The following LTBP1 variants were observed in gnomAD, a reference collection of about 807,000 sequenced individuals.
The protein encoded by LTBP1 is latent-transforming growth factor beta-binding protein 1.
In LTBP1, 129 loss-of-function variants were observed where a neutral mutation model predicts 207.6. The ratio of observed to expected loss-of-function variants is 0.62; its 90% CI spans 0.54 to 0.72. LTBP1 has a LOEUF of 0.72. Among genes scored for constraint, LTBP1 ranks in the 30% least tolerant of loss-of-function variants. The pLI is 0.00. For missense variants in LTBP1, 2,281 were observed against 2,217.2 expected (o/e 1.03, Z -0.58); for synonymous variants, 963 against 833.7 (o/e 1.16, Z -2.67).
intron 9 of LTBP1, among the ~76,000 whole-genome samples, chr2:33,226,752 A>G (rs1161446118): frequency 1.3e-5 from 2 of 152,160 alleles, no homozygotes; most frequent in African/African-American, 4.8e-5. Context: ...GAGTGTCTTT[A>G]TGCTAATGAG....
Position 33,293,219 on chromosome 2 carries a change from G to T in LTBP1, c.3172G>T (p.Gly1058Cys). The change falls in exon 20 of 34, where the codon GGC (glycine) becomes TGC (cysteine). Residue 1058 changes from glycine (G) to cysteine (C), a missense_variant. Gly to Cys is a radical substitution (Grantham distance 159). Transcript: ENST00000404816. ...AAATGGTGATTGTTCCAACCTTGAAGGCTCCTACATGTGTTCATGCCACAA... is the reference window on the plus strand; with the variant it reads ...AAATGGTGATTGTTCCAACCTTGAATGCTCCTACATGTGTTCATGCCACAA... Reference protein sequence around the residue: ...CANGDCSNLEGSYMCSCHKGY... With the variant: ...CANGDCSNLECSYMCSCHKGY... 1.2e-6 allele frequency: 2 copies of T among 1,614,090 alleles called. No homozygotes were observed. The highest frequency in any genetic ancestry group is 1.7e-6 in the Non-Finnish European group (2 of 1,179,998).
intron 2 of LTBP1, among the ~76,000 whole-genome samples, chr2:32,960,277 T>G (rs1303305968): frequency 6.6e-6 from 1 of 152,162 alleles, no homozygotes; most frequent in East Asian, 1.9e-4. Flanking sequence ...CTTGTCACAT[T>G]GCATCACAGA....
At chr2:33,388,656 T>C (rs1195217321) in intron 31 of LTBP1, among the ~76,000 whole-genome samples, 2 of 152,230 alleles carry the variant, frequency 1.3e-5, no homozygotes, top group Non-Finnish European at 2.9e-5. Context: ...ATAGCTATAA[T>C]GCTATCCATA....
chr2:33,347,423 G>A lies in LTBP1; in HGVS notation c.3913G>A (p.Val1305Met), dbSNP rs370909427. ...GVCGEAFCEN[V>M]EGSFLCVCAD... is the part of the protein sequence containing the mutation. Reference sequence around the variant, plus strand: ...GTGTGGTGAAGCCTTCTGTGAAAACGTGGAAGGGTCCTTCCTGTGCGTGTG... The same window carrying A: ...GTGTGGTGAAGCCTTCTGTGAAAACATGGAAGGGTCCTTCCTGTGCGTGTG... The change falls in exon 26 of 34, where the codon GTG (valine) becomes ATG (methionine). Residue 1305 changes from valine to methionine, a missense_variant. Transcript: ENST00000404816. The A allele has an allele frequency of 8.1e-6, 13 of 1,614,058 alleles. No homozygotes were observed. The African/African-American group carries it at 9.3e-5, about 12-fold the overall frequency.
At chr2:33,092,197 G>A (rs219122) in intron 3 of LTBP1, among the ~76,000 whole-genome samples, 116,833 of 150,784 alleles carry the variant, frequency 0.77, 46,798 homozygotes, top group East Asian at 0.98. Flanking sequence ...ACACACACGC[G>A]CACACACACA....
intron 25 of LTBP1, among the ~76,000 whole-genome samples, 158 bp downstream of exon 25, chr2:33,343,121 G>C (rs1486167150): frequency 6.6e-6 from 1 of 152,126 alleles, no homozygotes; most frequent in East Asian, 1.9e-4. Flanking sequence ...ATCCTATGTT[G>C]GCTGGGTGCA....
Position 33,134,439 on chromosome 2 carries a change from G to T in LTBP1, c.1034-354G>T. 2 of 708,332 alleles carry T rather than the reference G, an allele frequency of 2.8e-6. No homozygotes were observed. Among genetic ancestry groups the T allele is most frequent in the Non-Finnish European group, 4.7e-6 (2 of 429,252 alleles). 43.9% of individuals were successfully genotyped at this position (708,332 alleles called of 1,614,324 possible). ...TGCATTACATCTGCCTGTCAGGGTT[G>T]GCTCTTTAATCTGTCGTGCCCTCGG... On this transcript the variant is annotated intron_variant, in intron 4 of 33. Transcript: ENST00000404816. This position sits in a 1 kb window ranked among gnomAD's most constrained non-coding sequence, Gnocchi z 4.4.
In LTBP1 at chr2:33,034,661, CATATATAACCATTTGGAAGTTG is replaced by C. The variant is rs530812255; in HGVS notation, c.863+13456_863+13477del. On this transcript the variant is annotated intron_variant, in intron 3 of 33. Coordinates refer to ENST00000404816, the MANE Select transcript of LTBP1 (RefSeq NM_206943.4). The stretch of plus-strand genomic sequence containing the variant: ...TGGATTTATTATATACAGTACACAA[CATATATAACCATTTGGAAGTTG>C]GGTTTGCTTTCTGGTTAGAGGTGCA... 4.9e-3 allele frequency among the ~76,000 whole-genome samples: 740 copies of C among 152,210 alleles called. 7 individuals carry two copies. The highest frequency in any genetic ancestry group is 0.017 in the African/African-American group (716 of 41,512).
chr2:33,014,344 T>C (rs919849655), intron 2 of LTBP1, among the ~76,000 whole-genome samples: 3 of 152,094 alleles, frequency 2.0e-5, no homozygotes, highest in African/African-American at 7.2e-5. Flanking sequence ...TTGGATTTGG[T>C]ACAAGGAGCA....
At chr2:33,249,825 A>G (rs964067724) in intron 10 of LTBP1, among the ~76,000 whole-genome samples, 3 of 152,242 alleles carry the variant, frequency 2.0e-5, no homozygotes, top group African/African-American at 7.2e-5. Context: ...GTAAGAGCCT[A>G]CAGGCACCCT....
chr2:33,234,389 T>C (rs1180124605), intron 9 of LTBP1, among the ~76,000 whole-genome samples: 1 of 151,998 alleles, frequency 6.6e-6, no homozygotes, highest in Non-Finnish European at 1.5e-5. Flanking sequence ...ACATTCAGGG[T>C]GGTATGGCTA....
intron 9 of LTBP1, among the ~76,000 whole-genome samples, chr2:33,243,144 C>G (rs1480547548): frequency 6.6e-6 from 1 of 152,196 alleles, no homozygotes; most frequent in Non-Finnish European, 1.5e-5. Context: ...CTTACCTCCT[C>G]CTCAGTGCCA....
At chr2:33,333,595 C>A (rs1014902124) in intron 24 of LTBP1, among the ~76,000 whole-genome samples, 1 of 152,048 alleles carries the variant, frequency 6.6e-6, no homozygotes, top group African/African-American at 2.4e-5. Context: ...TAGGTCCTGG[C>A]TTTAGCAAGT....
intron 18 of LTBP1, among the ~76,000 whole-genome samples, chr2:33,277,787 TTCTTTCTTTC>T (rs2093467386): frequency 1.2e-5 from 1 of 81,274 alleles, no homozygotes; most frequent in Non-Finnish European, 2.7e-5. Context: ...CTTTCTTTCT[TTCTTTCTTTC>T]TCTCTCTCTT....
chr2:33,223,843 T>G (rs1379727308), intron 9 of LTBP1, among the ~76,000 whole-genome samples: 1 of 152,170 alleles, frequency 6.6e-6, no homozygotes, highest in Admixed American at 6.5e-5. Flanking sequence ...CACGCAGAAG[T>G]ACAGACTGAA....
intron 7 of LTBP1, among the ~76,000 whole-genome samples, chr2:33,214,310 C>T (rs2090526196): frequency 6.6e-6 from 1 of 152,178 alleles, no homozygotes; most frequent in Non-Finnish European, 1.5e-5. Context: ...CTTCATATTT[C>T]AGGGTTACAC....
intron 2 of LTBP1, among the ~76,000 whole-genome samples, chr2:32,950,554 CAAAA>C (rs61179206): frequency 4.4e-4 from 51 of 114,856 alleles, no homozygotes; most frequent in Non-Finnish European, 4.4e-4. Context: ...GACTCTGTCT[CAAAA>C]AAAAAAAAAA....
chr2:33,269,195 A>G (rs960801467), intron 15 of LTBP1, among the ~76,000 whole-genome samples: 4 of 152,194 alleles, frequency 2.6e-5, no homozygotes, highest in Non-Finnish European at 5.9e-5. Flanking sequence ...ATATTTTGCT[A>G]AAAGCTTTCT....
At chr2:33,196,092 C>T (rs1181863645) in intron 7 of LTBP1, among the ~76,000 whole-genome samples, 5 of 152,180 alleles carry the variant, frequency 3.3e-5, no homozygotes, top group Admixed American at 3.3e-4. Context: ...TTTATTTGCA[C>T]TGGGAAACTG....
Sources: gnomAD v4.1 joint callset for allele counts (sites outside exome capture counted in the v4.1 genomes callset) on GRCh38, gnomAD v4.1.1 for gene constraint, Gnocchi (gnomAD v3.1) non-coding constraint, MANE v1.5 for transcripts, NCBI Gene and HGNC (gene_info 2026-07-23, HGNC 2026-07-21) for gene names.